Variants in CRYBG3 observed in about 807,000 individuals in gnomAD.
The protein encoded by CRYBG3 is very large A-kinase anchor protein.
CRYBG3 carries 127 observed loss-of-function variants against 244.2 expected under a neutral mutation model. That is an observed-to-expected ratio of 0.52 (90% CI 0.45 to 0.60). The LOEUF is 0.60. Among genes scored for constraint, CRYBG3 ranks in the 20% least tolerant of loss-of-function variants. The pLI, the probability that CRYBG3 is intolerant of heterozygous loss-of-function variation, is 0.00. For missense variants in CRYBG3, 3,325 were observed against 3,442.5 expected (o/e 0.97, Z 0.85); for synonymous variants, 1,132 against 1,195.8 (o/e 0.95, Z 1.10).
At chr3:97,933,619 G>A in intron 17 of CRYBG3, 75 bp from the exon 18 acceptor site, 3 of 1,439,512 alleles carry the variant, frequency 2.1e-6, no homozygotes, top group South Asian at 2.4e-5. Context: ...TGGATTCAGG[G>A]TACCCTGTGT....
intron 2 of CRYBG3, among the ~76,000 whole-genome samples, chr3:97,859,656 T>C (rs963918163): frequency 1.8e-4 from 27 of 152,326 alleles, no homozygotes; most frequent in Non-Finnish European, 2.4e-4. Context: ...GAAACATTGT[T>C]TCAAATTCTC....
At chr3:97,869,227 T>G (rs1266563342) in intron 3 of CRYBG3, among the ~76,000 whole-genome samples, 1 of 152,170 alleles carries the variant, frequency 6.6e-6, no homozygotes, top group Non-Finnish European at 1.5e-5. Flanking sequence ...ATTCATTCAT[T>G]CATTCATTCA....
Position 97,944,061 on chromosome 3 carries a change from A to C in CRYBG3, c.*747A>C, listed in dbSNP as rs570814802. 1 of 151,850 alleles carries C rather than the reference A, an allele frequency of 6.6e-6. No homozygotes were observed. Among genetic ancestry groups the C allele is most frequent in the East Asian group, 1.9e-4 (1 of 5,168 alleles). 9.4% of individuals were successfully genotyped at this position (151,850 alleles called of 1,614,324 possible). On this transcript the variant is annotated 3_prime_UTR_variant, in exon 22 of 22. Transcript: ENST00000389622. Reference sequence around the variant, plus strand: ...GTGACAAGACTCTATAACAGTGGTTACCTGTCTCCATGTTGACACTTCATC... The same window carrying C: ...GTGACAAGACTCTATAACAGTGGTTCCCTGTCTCCATGTTGACACTTCATC...
rs987936843 is a variant in CRYBG3 at position 97,872,895 on chromosome 3, CA to C, written c.1706del (p.Lys569SerfsTer15). ...DTDQYFETKA[K>X]KLDFRSHDKI... ...CTGACCAATACTTTGAAACCAAAGC[CA>C]AAAAGCTTGATTTTAGGTCACATGA... On this transcript the variant is annotated frameshift_variant, in exon 4 of 22. Transcript: ENST00000389622. LOFTEE classifies it high-confidence loss of function. The C allele has an allele frequency of 1.3e-6, 2 of 1,529,308 alleles. No individual in the cohort carries two copies. The highest frequency in any genetic ancestry group is 2.8e-5 in the African/African-American group (2 of 72,308). The allele number at this position is 1,529,308 out of a possible 1,614,324, so 94.7% of individuals were successfully genotyped here.
chr3:97,849,484 C>T (rs551020196), intron 2 of CRYBG3, among the ~76,000 whole-genome samples: 7 of 151,366 alleles, frequency 4.6e-5, no homozygotes, highest in South Asian at 2.1e-4. Context: ...ATGGAAAATG[C>T]GCTGTGTGTT....
At chr3:97,836,302 C>T (rs1218827678) in intron 1 of CRYBG3, among the ~76,000 whole-genome samples, 1 of 152,006 alleles carries the variant, frequency 6.6e-6, no homozygotes. Context: ...GTTTGAGTGC[C>T]TTAAAATTGC....
chr3:97,822,745 C>T (rs2038522316), intron 1 of CRYBG3, among the ~76,000 whole-genome samples: 2 of 152,240 alleles, frequency 1.3e-5, no homozygotes, highest in Non-Finnish European at 2.9e-5. Context: ...ATGGGAAACA[C>T]TTGTGAGCCG....
chr3:97,822,166 G>T lies in CRYBG3; in HGVS notation c.-41G>T, dbSNP rs755955859. 17 of 1,467,734 alleles carry T rather than the reference G, an allele frequency of 1.2e-5. No individual in the cohort carries two copies. The highest frequency in any genetic ancestry group is 6.8e-5 in the South Asian group (5 of 73,758). 90.9% of individuals were successfully genotyped at this position (1,467,734 alleles called of 1,614,324 possible). On this transcript the variant is annotated 5_prime_UTR_variant, in exon 1 of 22. Coordinates refer to ENST00000389622, the MANE Select transcript of CRYBG3 (RefSeq NM_153605.4). The stretch of plus-strand genomic sequence containing the variant: ...CCGGGCACCAGGCAACACCTAGGCC[G>T]TTCCCTTCAGACAGCCCCGGGCCAG...
chr3:97,927,940 G>A (rs909284402), intron 17 of CRYBG3, among the ~76,000 whole-genome samples: 4 of 151,962 alleles, frequency 2.6e-5, no homozygotes, highest in African/African-American at 9.7e-5. Flanking sequence ...AAAAGGGAAT[G>A]TTTACACTGG....
At chr3:97,910,014 G>A (rs926683054) in intron 15 of CRYBG3, among the ~76,000 whole-genome samples, 1 of 151,722 alleles carries the variant, frequency 6.6e-6, no homozygotes, top group African/African-American at 2.4e-5. Flanking sequence ...GCCGTGTGAG[G>A]TGTCAGTGTG....
chr3:97,942,809 T>C (rs2053142803), intron 21 of CRYBG3: 1 of 216,188 alleles, frequency 4.6e-6, no homozygotes, highest in Admixed American at 5.8e-5. Flanking sequence ...GTAGAATTTA[T>C]GGTAGGTATC....
At chr3:97,896,284 G>A (rs1225068767) in intron 12 of CRYBG3, among the ~76,000 whole-genome samples, 199 bp downstream of exon 12, 3 of 151,966 alleles carry the variant, frequency 2.0e-5, no homozygotes, top group Admixed American at 2.0e-4. Context: ...TTCATCCATT[G>A]TTTCCGTAAT....
Position 97,874,935 on chromosome 3 carries a change from C to T in CRYBG3, c.3741C>T (p.Asn1247=). The change falls in exon 4 of 22, where the codon AAC becomes AAT. Residue 1247 remains asparagine, a synonymous_variant. Transcript: ENST00000389622. ...GTLKEDISEK[N]PSEVTLTEIQ... ...TGAAAGAAGACATCTCTGAGAAAAA[C>T]CCATCAGAAGTGACACTAACAGAAA... The T allele has an allele frequency of 6.5e-7, 1 of 1,535,612 alleles. No individual in the cohort carries two copies.
intron 15 of CRYBG3, among the ~76,000 whole-genome samples, chr3:97,910,664 G>A (rs1469017916): frequency 1.3e-5 from 2 of 152,206 alleles, no homozygotes; most frequent in Admixed American, 6.5e-5. Flanking sequence ...CCCTAGTGAG[G>A]TGAACCCGGT....
At chr3:97,823,788 G>A (rs1349375049) in intron 1 of CRYBG3, among the ~76,000 whole-genome samples, 1 of 152,180 alleles carries the variant, frequency 6.6e-6, no homozygotes, top group African/African-American at 2.4e-5. Context: ...GAGAGTCAGT[G>A]TTAGAAAGGA....
intron 4 of CRYBG3, among the ~76,000 whole-genome samples, chr3:97,878,352 G>A (rs955975512): frequency 6.6e-6 from 1 of 152,346 alleles, no homozygotes; most frequent in East Asian, 1.9e-4. Flanking sequence ...AGAGGTTGCA[G>A]TGAGCCAAGA....
At chr3:97,882,635 A>T (rs2039463269) in intron 7 of CRYBG3, among the ~76,000 whole-genome samples, 1 of 152,186 alleles carries the variant, frequency 6.6e-6, no homozygotes, top group South Asian at 2.1e-4. Flanking sequence ...ACAGTTACTC[A>T]TGTGACAGTA....
At chr3:97,864,863 T>C (rs1345538390) in intron 3 of CRYBG3, among the ~76,000 whole-genome samples, 2 of 152,114 alleles carry the variant, frequency 1.3e-5, no homozygotes, top group Non-Finnish European at 2.9e-5. Context: ...AAATTTGTCT[T>C]AGTAAAAGAT....
Position 97,877,554 on chromosome 3 carries a change from C to T in CRYBG3, c.6360C>T (p.Ser2120=). 3.1e-6 allele frequency: 5 copies of T among 1,614,086 alleles called. No homozygotes were observed. The highest frequency in any genetic ancestry group is 4.2e-6 in the Non-Finnish European group (5 of 1,180,008). Residue 2120 remains serine, a synonymous_variant, in exon 4 of 22, where the codon TCC becomes TCT. Coordinates refer to ENST00000389622, the MANE Select transcript of CRYBG3 (RefSeq NM_153605.4). ...AATCAAGAGACAGTGAAAACCAGTC[C>T]TCTTCTGTTTTATCCCTTCTCCAGT... ...PRKSRDSENQ[S]SSVLSLLQSV... is the part of the protein sequence containing the mutation.
Sources: gnomAD v4.1 joint callset for allele counts (sites outside exome capture counted in the v4.1 genomes callset) on GRCh38, gnomAD v4.1.1 for gene constraint, MANE v1.5 for transcripts, NCBI Gene and HGNC (gene_info 2026-07-23, HGNC 2026-07-21) for gene names.